Variants in TNFSF9 observed in about 807,000 individuals in gnomAD.
TNFSF9 encodes the protein TNF superfamily member 9.
A neutral mutation model predicts 10.3 loss-of-function variants in TNFSF9; 10 were observed. The observed-to-expected ratio is 0.97, with a 90% CI of 0.60 to 1.65. The LOEUF (loss-of-function observed/expected upper bound fraction) is 1.65, where lower values mean the gene tolerates loss of function less well. TNFSF9 is among the 40% of genes most tolerant of loss of function. The pLI, the probability that TNFSF9 is intolerant of heterozygous loss-of-function variation, is 0.00. For missense variants in TNFSF9, 361 were observed against 348.9 expected (o/e 1.03, Z -0.28); for synonymous variants, 195 against 176.1 (o/e 1.11, Z -0.85).
chr19:6,532,904 C>T, intron 2 of TNFSF9, 88 bp downstream of exon 2: 1 of 1,573,518 alleles, frequency 6.4e-7, no homozygotes, highest in Non-Finnish European at 8.7e-7. Flanking sequence ...GAGTGAGGCT[C>T]TGCCGCACAC....
chr19:6,534,797 C>A lies in TNFSF9; in HGVS notation c.496C>A (p.His166Asn), dbSNP rs1915231500. The A allele has an allele frequency of 6.2e-7, 1 of 1,600,478 alleles. No individual in the cohort carries two copies. The highest frequency in any genetic ancestry group is 1.3e-5 in the African/African-American group (1 of 74,712). The change falls in exon 3 of 3, where the codon CAC (histidine) becomes AAC (asparagine). Residue 166 changes from histidine to asparagine, a missense_variant. His to Asn is a moderately conservative substitution (Grantham distance 68, BLOSUM62 1). Transcript: ENST00000245817. ...EGSGSVSLAL[H>N]LQPLRSAAGA... ...CTCAGGCTCCGTTTCACTTGCGCTG[C>A]ACCTGCAGCCACTGCGCTCTGCTGC...
chr19:6,531,300 G>A lies in TNFSF9; in HGVS notation c.264G>A (p.Arg88=), dbSNP rs1915141371. 6.7e-7 allele frequency: 1 copy of A among 1,492,508 alleles called. No homozygotes were observed. The highest frequency in any genetic ancestry group is 1.4e-5 in the South Asian group (1 of 73,184). The allele number at this position is 1,492,508 out of a possible 1,614,324, so 92.5% of individuals were successfully genotyped here. Residue 88 remains arginine (R), a synonymous_variant, in exon 1 of 3, where the codon CGG becomes CGA. Coordinates refer to ENST00000245817, the MANE Select transcript of TNFSF9 (RefSeq NM_003811.4). ...ATCCCGCCGGCCTCTTGGACCTGCG[G>A]CAGGTGAGACGTGCCCCGACCCTCG... ...PDDPAGLLDL[R]QGMFAQLVAQ... is the part of the protein sequence containing the mutation.
At chr19:6,531,880 G>A (rs1042004311) in intron 1 of TNFSF9, among the ~76,000 whole-genome samples, 8 of 152,124 alleles carry the variant, frequency 5.3e-5, no homozygotes, top group African/African-American at 1.7e-4. Context: ...TCTTCATTCC[G>A]CATTCCCAAG....
intron 1 of TNFSF9, among the ~76,000 whole-genome samples, chr19:6,532,288 T>TGTGTGC (rs1391123374): frequency 6.9e-6 from 1 of 144,972 alleles, no homozygotes; most frequent in Non-Finnish European, 1.5e-5. Context: ...TGTGTGTGTG[T>TGTGTGC]GTGTGTGTGT....
At position 6,532,061 on chromosome 19, in the gene TNFSF9, C is replaced by T. The variant is rs1229993432; in HGVS notation, c.268-725C>T. On this transcript the variant is annotated intron_variant, in intron 1 of 2. Transcript: ENST00000245817. Reference sequence around the variant, plus strand: ...TTTTCCATCCCCGATCCGAGGGGGGCACTTCCTCTTTATCTGGGACCGCCA... The same window carrying T: ...TTTTCCATCCCCGATCCGAGGGGGGTACTTCCTCTTTATCTGGGACCGCCA... 3.3e-5 allele frequency among the ~76,000 whole-genome samples: 5 copies of T among 152,230 alleles called. No individual in the cohort carries two copies. In the East Asian group the frequency reaches 9.6e-4, roughly 29 times the overall value.
At chr19:6,532,879 A>G in intron 2 of TNFSF9, 63 bp downstream of exon 2, 1 of 1,609,154 alleles carries the variant, frequency 6.2e-7, no homozygotes, top group Non-Finnish European at 8.5e-7. Flanking sequence ...GGATACGAAG[A>G]AGGGGGAACC....
In TNFSF9 at chr19:6,535,808, G is replaced by T. The variant is rs1248828485; in HGVS notation, c.*742G>T. On this transcript the variant is annotated 3_prime_UTR_variant, in exon 3 of 3. Coordinates refer to ENST00000245817, the MANE Select transcript of TNFSF9 (RefSeq NM_003811.4). ...AGCCTCTCGAGTAGCTGGGACCACAGTTGTGTGCCACCACACTTGGCTAAC... is the reference window on the plus strand; with the variant it reads ...AGCCTCTCGAGTAGCTGGGACCACATTTGTGTGCCACCACACTTGGCTAAC... The T allele has an allele frequency of 6.6e-6, 1 of 152,204 alleles. No homozygotes were observed. 9.4% of individuals were successfully genotyped at this position (152,204 alleles called of 1,614,324 possible).
chr19:6,534,915 A>C lies in TNFSF9; in HGVS notation c.614A>C (p.His205Pro). The C allele has an allele frequency of 6.2e-7, 1 of 1,609,294 alleles. No homozygotes were observed. The highest frequency in any genetic ancestry group is 1.1e-5 in the South Asian group (1 of 90,858). The change falls in exon 3 of 3, where the codon CAC (histidine) becomes CCC (proline). Residue 205 changes from histidine to proline, a missense_variant. His to Pro is a moderately conservative substitution (Grantham distance 77). Coordinates refer to ENST00000245817, the MANE Select transcript of TNFSF9 (RefSeq NM_003811.4). ...SAFGFQGRLLHLSAGQRLGVH... is the reference protein window; with the variant it reads ...SAFGFQGRLLPLSAGQRLGVH... ...TTCGGTTTCCAGGGCCGCTTGCTGC[A>C]CCTGAGTGCCGGCCAGCGCCTGGGC... is the stretch of plus-strand genomic sequence containing the variant.
chr19:6,534,208 CCCTCTT>C (rs967060768), intron 2 of TNFSF9, among the ~76,000 whole-genome samples: 2 of 150,804 alleles, frequency 1.3e-5, no homozygotes, highest in Non-Finnish European at 3.0e-5. Flanking sequence ...GCTTTTCACC[CCCTCTT>C]CCTCTTCCTG....
rs1915138579 is a variant in TNFSF9, at chr19:6,531,220, C to G, written c.184C>G (p.Pro62Ala). The change falls in exon 1 of 3, where the codon CCC becomes GCC. Residue 62 changes from proline to alanine, a missense_variant. Physicochemically the swap from Pro to Ala is conservative, Grantham distance 27 (BLOSUM62 -1). Coordinates refer to ENST00000245817, the MANE Select transcript of TNFSF9 (RefSeq NM_003811.4). Reference sequence around the variant, plus strand: ...GGCCGTGTCCGGGGCTCGCGCCTCGCCCGGCTCCGCGGCCAGCCCGAGACT... The same window carrying G: ...GGCCGTGTCCGGGGCTCGCGCCTCGGCCGGCTCCGCGGCCAGCCCGAGACT... Reference protein sequence around the residue: ...PWAVSGARASPGSAASPRLRE... With the variant: ...PWAVSGARASAGSAASPRLRE... 1 of 1,534,332 alleles carries G rather than the reference C, an allele frequency of 6.5e-7. No homozygotes were observed. Among genetic ancestry groups the G allele is most frequent in the Non-Finnish European group, 8.7e-7 (1 of 1,144,786 alleles).
rs377044973 is a variant in TNFSF9, at chr19:6,534,639, C to G, written c.338C>G (p.Pro113Arg). Residue 113 changes from proline (P) to arginine (R), a missense_variant, in exon 3 of 3, where the codon CCA (proline) becomes CGA (arginine). Physicochemically the swap from Pro to Arg is moderately radical, Grantham distance 103. Transcript: ENST00000245817. The stretch of plus-strand genomic sequence containing the variant: ...GGGCCCCTGAGCTGGTACAGTGACC[C>G]AGGCCTGGCAGGCGTGTCCCTGACG... ...IDGPLSWYSD[P>R]GLAGVSLTGG... The G allele has an allele frequency of 6.3e-7, 1 of 1,584,986 alleles. No homozygotes were observed. Among genetic ancestry groups the G allele is most frequent in the Non-Finnish European group, 8.6e-7 (1 of 1,166,202 alleles).
chr19:6,532,203 G>T (rs1317452981), intron 1 of TNFSF9, among the ~76,000 whole-genome samples: 1 of 152,052 alleles, frequency 6.6e-6, no homozygotes, highest in Non-Finnish European at 1.5e-5. Flanking sequence ...GAAAGAAGAG[G>T]GATCGCTTTT....
At chr19:6,531,385 C>A in intron 1 of TNFSF9, 82 bp downstream of exon 1, 1 of 1,369,074 alleles carries the variant, frequency 7.3e-7, no homozygotes, top group Non-Finnish European at 9.4e-7. Flanking sequence ...CCCTCCCGCA[C>A]CCCCAGGGAC....
In TNFSF9 at chr19:6,531,430, C is replaced by T. The variant is rs539974547; in HGVS notation, c.267+127C>T. 81 of 1,294,416 alleles carry T rather than the reference C, an allele frequency of 6.3e-5. No homozygotes were observed. In the East Asian group the frequency reaches 2.4e-3, roughly 38 times the overall value. 80.2% of individuals were successfully genotyped at this position (1,294,416 alleles called of 1,614,324 possible). ...ACACTCCCGGCCGGGGAGAGGAGAC[C>T]CACCGGGGCTCCCATTCTCCATCTA... On this transcript the variant is annotated intron_variant, in intron 1 of 2. Transcript: ENST00000245817.
intron 1 of TNFSF9, 31 bp downstream of exon 1, chr19:6,531,334 T>C: frequency 7.0e-7 from 1 of 1,438,342 alleles, no homozygotes; most frequent in Non-Finnish European, 9.1e-7. Context: ...CGGTAGCTGG[T>C]CTCGCGGGAG....
rs57826954 is a variant in TNFSF9 at position 6,535,287 on chromosome 19, T to TTA, written c.*237_*238dup. The TTA allele has an allele frequency of 0.068, 9,752 of 142,738 alleles. 512 individuals carry two copies. The highest frequency in any genetic ancestry group is 0.13 in the African/African-American group (5,026 of 37,876). The allele number at this position is 142,738 out of a possible 1,614,324, so 8.8% of individuals were successfully genotyped here. ...GAGCTCAGATAATATATTATATATA[T>TTA]TATATATATATATATATTTCTATTT... On this transcript the variant is annotated 3_prime_UTR_variant, in exon 3 of 3. Coordinates refer to ENST00000245817, the MANE Select transcript of TNFSF9 (RefSeq NM_003811.4).
chr19:6,532,914 C>T, intron 2 of TNFSF9, 98 bp downstream of exon 2: 1 of 1,550,662 alleles, frequency 6.4e-7, no homozygotes, highest in Non-Finnish European at 8.9e-7. Context: ...CTGCCGCACA[C>T]TGGCTTTGAC....
At chr19:6,532,167 C>T (rs1348169693) in intron 1 of TNFSF9, among the ~76,000 whole-genome samples, 1 of 152,306 alleles carries the variant, frequency 6.6e-6, no homozygotes, top group South Asian at 2.1e-4. Flanking sequence ...TTCAAGACCC[C>T]CAGGGGAATA....
Position 6,534,787 on chromosome 19 carries a change from A to G in TNFSF9, c.486A>G (p.Ser162=). The part of the protein sequence containing the change: ...VVAGEGSGSV[S]LALHLQPLRS... ...CCGGCGAGGGCTCAGGCTCCGTTTC[A>G]CTTGCGCTGCACCTGCAGCCACTGC... The change falls in exon 3 of 3, where the codon TCA becomes TCG. Residue 162 remains serine, a synonymous_variant. Coordinates refer to ENST00000245817, the MANE Select transcript of TNFSF9 (RefSeq NM_003811.4). The G allele has an allele frequency of 6.3e-7, 1 of 1,599,996 alleles. No homozygotes were observed. Among genetic ancestry groups the G allele is most frequent in the South Asian group, 1.1e-5 (1 of 89,336 alleles).
Sources: allele counts gnomAD v4.1 joint callset (sites outside exome capture counted in the v4.1 genomes callset), GRCh38; gene constraint gnomAD v4.1.1; transcripts MANE v1.5; gene names NCBI Gene and HGNC (gene_info 2026-07-23, HGNC 2026-07-21).